Variants in JARID2 observed in about 807,000 individuals in gnomAD.
JARID2 encodes jumonji and AT-rich interaction domain containing 2, also known as protein Jumonji.
JARID2 carries 21 observed loss-of-function variants against 125.6 expected under a neutral mutation model. That is an observed-to-expected ratio of 0.17 (90% CI 0.12 to 0.24). JARID2 has a LOEUF of 0.24. JARID2 is among the 10% of genes least tolerant of loss of function. The pLI, the probability that JARID2 is intolerant of heterozygous loss-of-function variation, is 1.00. For synonymous variants in JARID2, 736 were observed against 661.6 expected (o/e 1.11, Z -1.73); for missense variants, 1,303 against 1,639.6 (o/e 0.79, Z 3.55).
chr6:15,461,129 A>G (rs980848180), intron 4 of JARID2, among the ~76,000 whole-genome samples: 1 of 152,250 alleles, frequency 6.6e-6, no homozygotes, highest in Non-Finnish European at 1.5e-5. Flanking sequence ...AGCGAACCAT[A>G]GATAGACCTT....
At chr6:15,504,650 G>A (rs1047273458) in intron 9 of JARID2, 58 bp downstream of exon 9, 2 of 1,147,304 alleles carry the variant, frequency 1.7e-6, no homozygotes, top group South Asian at 1.2e-5. Context: ...TCGGCGAGCT[G>A]GAGGACATCC....
chr6:15,496,560 A>G lies in JARID2; in HGVS notation c.1335A>G (p.Glu445=), dbSNP rs1581644605. The change falls in exon 7 of 18, where the codon GAA becomes GAG. Residue 445 remains glutamate, a synonymous_variant. Coordinates refer to ENST00000341776, the MANE Select transcript of JARID2 (RefSeq NM_004973.4). ...EGLRNSKRRL[E]EAHQAEKPQS... The stretch of plus-strand genomic sequence containing the variant: ...TGCGGAACTCCAAGAGGAGACTGGA[A>G]GAGGCACACCAGGCGGAGAAGCCGC... 6.2e-7 allele frequency: 1 copy of G among 1,607,260 alleles called. No homozygotes were observed. Among genetic ancestry groups the G allele is most frequent in the South Asian group, 1.1e-5 (1 of 90,538 alleles).
At chr6:15,264,950 A>C (rs1426788343) in intron 1 of JARID2, among the ~76,000 whole-genome samples, 1 of 152,330 alleles carries the variant, frequency 6.6e-6, no homozygotes, top group South Asian at 2.1e-4. Context: ...GTTCAGACCC[A>C]GCTGGGTTTC....
chr6:15,463,044 G>A (rs1318555773), intron 4 of JARID2, among the ~76,000 whole-genome samples: 3 of 152,094 alleles, frequency 2.0e-5, no homozygotes, highest in South Asian at 2.1e-4. Flanking sequence ...GATGCATTCC[G>A]TACTCTGATT....
chr6:15,459,324 C>G (rs1768336496), intron 4 of JARID2, among the ~76,000 whole-genome samples: 1 of 152,132 alleles, frequency 6.6e-6, no homozygotes, highest in South Asian at 2.1e-4. Flanking sequence ...TGCACATCCT[C>G]CTGTATACTT....
intron 1 of JARID2, among the ~76,000 whole-genome samples, chr6:15,253,167 T>G (rs11751041): frequency 0.52 from 79,222 of 151,668 alleles, 21,457 homozygotes; most frequent in African/African-American, 0.68. Flanking sequence ...GGGTTCAAGC[T>G]ATTCTCCCGC....
intron 1 of JARID2, among the ~76,000 whole-genome samples, chr6:15,274,149 T>A (rs1249546058): frequency 2.0e-4 from 30 of 152,164 alleles, no homozygotes. Flanking sequence ...AGGCTGGTCT[T>A]GAACTCCTCA....
At chr6:15,447,752 G>A (rs1767737548) in intron 3 of JARID2, among the ~76,000 whole-genome samples, 1 of 152,208 alleles carries the variant, frequency 6.6e-6, no homozygotes, top group Non-Finnish European at 1.5e-5. Flanking sequence ...CGCCTCCCCT[G>A]GAGGGCTGAG....
At chr6:15,346,629 C>G (rs1470872229) in intron 1 of JARID2, among the ~76,000 whole-genome samples, 1 of 152,088 alleles carries the variant, frequency 6.6e-6, no homozygotes, top group South Asian at 2.1e-4. Flanking sequence ...ATCGTTTTGT[C>G]TTGATCTCCA....
chr6:15,371,730 G>A (rs771671262), intron 1 of JARID2, among the ~76,000 whole-genome samples: 1 of 152,178 alleles, frequency 6.6e-6, no homozygotes, highest in African/African-American at 2.4e-5. Flanking sequence ...TGACCTACAC[G>A]CAGTAGCAGG....
chr6:15,371,806 C>A (rs191321816), intron 1 of JARID2, among the ~76,000 whole-genome samples: 1 of 152,186 alleles, frequency 6.6e-6, no homozygotes, highest in African/African-American at 2.4e-5. Flanking sequence ...CCTTCATGTC[C>A]GAACCCTGAC....
intron 4 of JARID2, among the ~76,000 whole-genome samples, chr6:15,454,081 G>A (rs1768042722): frequency 6.6e-6 from 1 of 152,176 alleles, no homozygotes; most frequent in East Asian, 1.9e-4. Flanking sequence ...CACTAAGGGA[G>A]GTTCATGTGC....
intron 1 of JARID2, among the ~76,000 whole-genome samples, chr6:15,299,029 C>T (rs1397921780): frequency 6.6e-6 from 1 of 150,996 alleles, no homozygotes; most frequent in African/African-American, 2.4e-5. Flanking sequence ...AGAGAGGATG[C>T]TTTGGTGGTG....
intron 1 of JARID2, among the ~76,000 whole-genome samples, chr6:15,350,131 T>G (rs3846948): frequency 0.089 from 13,462 of 152,090 alleles, 700 homozygotes; most frequent in South Asian, 0.15. Flanking sequence ...CGGCTGGAAT[T>G]TGGGGAGACA....
At chr6:15,378,786 T>C (rs1764468756) in intron 2 of JARID2, among the ~76,000 whole-genome samples, 1 of 152,196 alleles carries the variant, frequency 6.6e-6, no homozygotes, top group Non-Finnish European at 1.5e-5. Context: ...AAATGGATGA[T>C]TGGAGGCTTT....
intron 1 of JARID2, among the ~76,000 whole-genome samples, chr6:15,358,088 G>A (rs527753140): frequency 2.0e-5 from 3 of 152,146 alleles, no homozygotes; most frequent in Non-Finnish European, 4.4e-5. Context: ...GTGTTTCTTT[G>A]TGTGGGCATG....
At position 15,303,100 on chromosome 6, in the gene JARID2, C is replaced by T. The variant is rs533057108; in HGVS notation, c.45+56516C>T. 2.6e-5 allele frequency among the ~76,000 whole-genome samples: 4 copies of T among 152,202 alleles called. No individual in the cohort carries two copies. The South Asian group carries it at 8.3e-4, about 32-fold the overall frequency. On this transcript the variant is annotated intron_variant, in intron 1 of 17. Coordinates refer to ENST00000341776, the MANE Select transcript of JARID2 (RefSeq NM_004973.4). ...GATTTTGAGTAAATTCGAAGTTATG[C>T]CAGGAATTATAATCCTAATTGATAA...
intron 2 of JARID2, among the ~76,000 whole-genome samples, chr6:15,384,043 C>T (rs529966922): frequency 1.3e-5 from 2 of 152,252 alleles, no homozygotes; most frequent in South Asian, 4.1e-4. Flanking sequence ...ATCTGCTTGC[C>T]TCTGCCTCCC....
At chr6:15,428,939 C>CAA (rs1561857128) in intron 3 of JARID2, among the ~76,000 whole-genome samples, 3 of 145,564 alleles carry the variant, frequency 2.1e-5, no homozygotes, top group African/African-American at 7.8e-5. Context: ...AACCCCCCCC[C>CAA]CAAAAAAAAA....
Sources: allele counts gnomAD v4.1 joint callset (sites outside exome capture counted in the v4.1 genomes callset), GRCh38; gene constraint gnomAD v4.1.1; transcripts MANE v1.5; gene names NCBI Gene and HGNC (gene_info 2026-07-23, HGNC 2026-07-21).